Variants in OCA2 observed in about 807,000 individuals in gnomAD.
OCA2 encodes the protein P protein.
A neutral mutation model predicts 100.2 loss-of-function variants in OCA2; 77 were observed. The ratio of observed to expected loss-of-function variants is 0.77; its 90% CI spans 0.64 to 0.93. The LOEUF is 0.93. Among genes scored for constraint, OCA2 ranks in the 40% least tolerant of loss-of-function variants. The pLI is 0.00. For synonymous variants in OCA2, 432 were observed against 439.2 expected (o/e 0.98, Z 0.21); for missense variants, 1,062 against 1,089.1 (o/e 0.98, Z 0.35).
At chr15:28,078,593 G>A (rs184108556) in intron 2 of OCA2, among the ~76,000 whole-genome samples, 107 of 152,266 alleles carry the variant, frequency 7.0e-4, no homozygotes, top group Non-Finnish European at 8.8e-5. Flanking sequence ...AACCACACCC[G>A]GCCAACAACC....
chr15:27,750,289 A>G (rs2030024056), downstream of OCA2, among the ~76,000 whole-genome samples: 1 of 152,200 alleles, frequency 6.6e-6, no homozygotes, highest in African/African-American at 2.4e-5. Context: ...TTACAGAACT[A>G]CACCCCTCTT....
intron 2 of OCA2, among the ~76,000 whole-genome samples, chr15:28,033,297 G>A (rs1161844925): frequency 6.6e-6 from 1 of 152,226 alleles, no homozygotes; most frequent in Non-Finnish European, 1.5e-5. Flanking sequence ...AGGATCCCAG[G>A]CCAGGTAGAG....
At chr15:27,956,917 G>A (rs2040240781) in intron 16 of OCA2, among the ~76,000 whole-genome samples, 1 of 152,192 alleles carries the variant, frequency 6.6e-6, no homozygotes, top group South Asian at 2.1e-4. Flanking sequence ...TGTTCATAAG[G>A]GTTCACATTT....
At chr15:27,944,472 C>T (rs2039763892) in intron 18 of OCA2, among the ~76,000 whole-genome samples, 1 of 152,148 alleles carries the variant, frequency 6.6e-6, no homozygotes, top group Non-Finnish European at 1.5e-5. Flanking sequence ...AGATTGCCAG[C>T]CATTATTCTG....
chr15:27,829,575 C>T (rs2034874267), intron 23 of OCA2, among the ~76,000 whole-genome samples: 1 of 152,218 alleles, frequency 6.6e-6, no homozygotes, highest in Admixed American at 6.5e-5. Flanking sequence ...CTTCAGCATC[C>T]ACAACAGCAA....
At chr15:28,020,066 C>T (rs1247086331) in intron 6 of OCA2, among the ~76,000 whole-genome samples, 4 of 151,914 alleles carry the variant, frequency 2.6e-5, no homozygotes, top group African/African-American at 9.7e-5. Context: ...CTCTCTCTCT[C>T]CCTCTTCATC....
intron 2 of OCA2, among the ~76,000 whole-genome samples, chr15:28,055,282 G>A (rs769840565): frequency 4.6e-5 from 7 of 152,068 alleles, no homozygotes; most frequent in Non-Finnish European, 8.8e-5. Flanking sequence ...ATTCCTTCTC[G>A]TCTTTCGTGT....
chr15:27,789,874 T>A (rs1194527931), intron 23 of OCA2, among the ~76,000 whole-genome samples: 2 of 152,238 alleles, frequency 1.3e-5, no homozygotes, highest in South Asian at 2.1e-4. Flanking sequence ...ATCTTTGTGA[T>A]CTTGTGCTAG....
rs150138593 is a variant in OCA2 at position 27,951,909 on chromosome 15, A to G, written c.1843-17T>C. 1 of 1,551,148 alleles carries G rather than the reference A, an allele frequency of 6.4e-7. No individual in the cohort carries two copies. The highest frequency in any genetic ancestry group is 1.4e-5 in the African/African-American group (1 of 73,726). ...TATCCTATGCTGTAAGAGAGAAACC[A>G]CAGCTCATTTACTCTGCACAACCTT... On this transcript the variant is annotated splice_polypyrimidine_tract_variant and intron_variant, in intron 17 of 23. Transcript: ENST00000354638.
At chr15:27,972,882 T>C (rs1245758947) in intron 14 of OCA2, among the ~76,000 whole-genome samples, 1 of 133,992 alleles carries the variant, frequency 7.5e-6, no homozygotes, top group Non-Finnish European at 1.7e-5. Flanking sequence ...TATTTTATTT[T>C]TGTGACAGAG....
intron 22 of OCA2, among the ~76,000 whole-genome samples, chr15:27,850,232 C>G (rs1014486505): frequency 4.6e-5 from 7 of 152,160 alleles, no homozygotes; most frequent in Admixed American, 2.6e-4. Context: ...CCAGTCTCTC[C>G]TCAGGGCCCT....
chr15:28,003,468 G>A (rs986085124), intron 9 of OCA2, among the ~76,000 whole-genome samples: 1 of 152,204 alleles, frequency 6.6e-6, no homozygotes, highest in Admixed American at 6.5e-5. Flanking sequence ...GCGCGCTGCC[G>A]CGTTCGTCTC....
At chr15:27,969,493 C>A (rs893311593) in intron 14 of OCA2, among the ~76,000 whole-genome samples, 1 of 152,208 alleles carries the variant, frequency 6.6e-6, no homozygotes, top group Non-Finnish European at 1.5e-5. Flanking sequence ...CCTAGACTCT[C>A]GTCTGTGTTC....
At chr15:28,029,286 A>G (rs2042845258) in intron 3 of OCA2, among the ~76,000 whole-genome samples, 1 of 152,256 alleles carries the variant, frequency 6.6e-6, no homozygotes, top group Admixed American at 6.5e-5. Flanking sequence ...GTGTAACAAG[A>G]TAACACATGA....
At chr15:27,871,362 C>G (rs1001749387) in intron 20 of OCA2, 104 bp from the exon 21 acceptor site, 3 of 820,860 alleles carry the variant, frequency 3.7e-6, no homozygotes, top group Non-Finnish European at 6.2e-6. Flanking sequence ...AGTCCTTCCT[C>G]TTACCCATCA....
intron 2 of OCA2, among the ~76,000 whole-genome samples, chr15:28,080,694 G>C (rs1484861945): frequency 2.0e-5 from 3 of 152,220 alleles, no homozygotes; most frequent in Non-Finnish European, 4.4e-5. Flanking sequence ...AGTACTGCAG[G>C]GGTCGGAGCT....
At chr15:28,073,225 C>G (rs1321108195) in intron 2 of OCA2, among the ~76,000 whole-genome samples, 1 of 152,110 alleles carries the variant, frequency 6.6e-6, no homozygotes, top group Non-Finnish European at 1.5e-5. Flanking sequence ...ACCAGCCTGG[C>G]CAACACGGTG....
chr15:28,032,513 C>T (rs539657766), intron 2 of OCA2, among the ~76,000 whole-genome samples: 112 of 152,090 alleles, frequency 7.4e-4, no homozygotes, highest in Middle Eastern at 6.8e-3. Context: ...GGGACGGGCG[C>T]GGTGGCTCAC....
At chr15:27,749,601 T>G in the OCA2 span, among the ~76,000 whole-genome samples, 1 of 151,506 alleles carries the variant, frequency 6.6e-6, no homozygotes, top group South Asian at 2.1e-4. Context: ...ACCAAGGAAT[T>G]TTTTTTTTAA....
Sources: allele counts gnomAD v4.1 joint callset (sites outside exome capture counted in the v4.1 genomes callset), GRCh38; gene constraint gnomAD v4.1.1; transcripts MANE v1.5; gene names NCBI Gene and HGNC (gene_info 2026-07-23, HGNC 2026-07-21).